The following CADM2 variants were observed in gnomAD, a reference collection of about 807,000 sequenced individuals.
The protein encoded by CADM2 is immunoglobulin superfamily member 4D.
CADM2 carries 12 observed loss-of-function variants against 49.8 expected under a neutral mutation model. That is an observed-to-expected ratio of 0.24 (90% CI 0.15 to 0.39). The LOEUF is 0.39. Ranked by LOEUF, CADM2 falls within the 10% of genes least tolerant of loss-of-function variation. The pLI, the probability that CADM2 is intolerant of heterozygous loss-of-function variation, is 1.00. For synonymous variants in CADM2, 214 were observed against 175.4 expected, an observed-to-expected ratio of 1.22 and a Z score of -1.74; for missense variants, 378 against 492.3, an observed-to-expected ratio of 0.77 and a Z score of 2.20.
In CADM2 at chr3:84,980,931, A is replaced by G. The variant is rs539046551; in HGVS notation, c.61+21263A>G. Reference sequence around the variant, plus strand: ...AGATCCTCAGAATCTTGGATGCACCACACTCAGTGGTATTTTGTAAAATAT... The same window carrying G: ...AGATCCTCAGAATCTTGGATGCACCGCACTCAGTGGTATTTTGTAAAATAT... On this transcript the variant is annotated intron_variant, in intron 1 of 9. Coordinates refer to ENST00000383699, the MANE Select transcript of CADM2 (RefSeq NM_001167675.2). Among the ~76,000 whole-genome samples the G allele has an allele frequency of 9.8e-5, 15 of 152,300 alleles. No homozygotes were observed. The East Asian group carries it at 2.7e-3, about 27-fold the overall frequency.
At chr3:84,989,047 G>A (rs1480407439) in intron 1 of CADM2, among the ~76,000 whole-genome samples, 1 of 152,168 alleles carries the variant, frequency 6.6e-6, no homozygotes, top group African/African-American at 2.4e-5. Context: ...ATTCATGGCT[G>A]ATCTGGAATT....
chr3:85,679,115 T>C (rs1278723520), intron 1 of CADM2, among the ~76,000 whole-genome samples: 2 of 152,008 alleles, frequency 1.3e-5, no homozygotes, highest in African/African-American at 4.8e-5. Context: ...AAATTAAATA[T>C]ATAGTATTAA....
intron 1 of CADM2, among the ~76,000 whole-genome samples, chr3:85,105,323 A>C (rs2038172963): frequency 6.6e-6 from 1 of 152,326 alleles, no homozygotes; most frequent in South Asian, 2.1e-4. Flanking sequence ...GACATTTGTG[A>C]ATCCAAAAAA....
chr3:85,421,613 C>G (rs960392573), intron 1 of CADM2, among the ~76,000 whole-genome samples: 1 of 152,178 alleles, frequency 6.6e-6, no homozygotes, highest in African/African-American at 2.4e-5. Flanking sequence ...GGTCCTGAAT[C>G]TTTTCCTTTT....
At chr3:85,697,793 T>G (rs1475478430) in intron 1 of CADM2, among the ~76,000 whole-genome samples, 2 of 152,194 alleles carry the variant, frequency 1.3e-5, no homozygotes, top group Non-Finnish European at 1.5e-5. Context: ...TATAACAGAT[T>G]TATGTACATG....
intron 8 of CADM2, among the ~76,000 whole-genome samples, chr3:86,039,627 T>G (rs1735600094): frequency 1.3e-5 from 2 of 152,316 alleles, no homozygotes; most frequent in African/African-American, 4.8e-5. Flanking sequence ...CAAGGAGGCC[T>G]GCTGGCTTCT....
chr3:85,913,061 G>A (rs1035006571), intron 6 of CADM2, among the ~76,000 whole-genome samples: 1 of 152,048 alleles, frequency 6.6e-6, no homozygotes, highest in Admixed American at 6.6e-5. Context: ...AATTAATTTT[G>A]TGAATCTAAT....
intron 1 of CADM2, among the ~76,000 whole-genome samples, chr3:85,216,588 A>G (rs1003884971): frequency 1.3e-5 from 2 of 151,912 alleles, no homozygotes; most frequent in African/African-American, 4.8e-5. Context: ...CTGACAGAAA[A>G]CTATTAAATA....
chr3:85,062,088 GCACA>G (rs750878271), intron 1 of CADM2, among the ~76,000 whole-genome samples: 1 of 145,300 alleles, frequency 6.9e-6, no homozygotes, highest in Admixed American at 6.9e-5. Flanking sequence ...ACACACACAC[GCACA>G]CACACACACA....
At chr3:85,147,533 AT>A (rs1413074026) in intron 1 of CADM2, among the ~76,000 whole-genome samples, 4 of 152,138 alleles carry the variant, frequency 2.6e-5, no homozygotes, top group African/African-American at 9.7e-5. Context: ...AATTAATAAC[AT>A]TAATAATGTA....
At chr3:85,788,319 A>G (rs1577313944) in intron 2 of CADM2, among the ~76,000 whole-genome samples, 1 of 152,164 alleles carries the variant, frequency 6.6e-6, no homozygotes, top group Non-Finnish European at 1.5e-5. Flanking sequence ...CTATTAAGTG[A>G]CATATGCATA....
intron 1 of CADM2, among the ~76,000 whole-genome samples, chr3:85,344,172 G>A (rs570911969): frequency 6.6e-6 from 1 of 151,600 alleles, no homozygotes; most frequent in Non-Finnish European, 1.5e-5. Context: ...TCAGGAGATC[G>A]AGACCATCTT....
At chr3:85,970,538 T>C (rs1233289243) in intron 8 of CADM2, among the ~76,000 whole-genome samples, 1 of 151,502 alleles carries the variant, frequency 6.6e-6, no homozygotes, top group East Asian at 1.9e-4. Flanking sequence ...AAATTATAGG[T>C]TAGCAAGGTT....
intron 7 of CADM2, among the ~76,000 whole-genome samples, chr3:85,948,129 AT>A (rs1722964659): frequency 6.6e-6 from 1 of 151,530 alleles, no homozygotes; most frequent in African/African-American, 2.4e-5. Flanking sequence ...ACATTTAAGC[AT>A]TTTACTCTTT....
chr3:85,514,308 A>G (rs887818055), intron 1 of CADM2, among the ~76,000 whole-genome samples: 2 of 152,076 alleles, frequency 1.3e-5, no homozygotes, highest in African/African-American at 4.8e-5. Context: ...ACGTTTTGTA[A>G]TATGCCTCAA....
intron 2 of CADM2, among the ~76,000 whole-genome samples, chr3:85,767,314 C>T (rs73845648): frequency 0.026 from 3,983 of 152,162 alleles, 199 homozygotes; most frequent in African/African-American, 0.091. Flanking sequence ...AATAAGCCGG[C>T]GGCTGCTTCG....
chr3:85,473,708 C>A (rs535441708), intron 1 of CADM2, among the ~76,000 whole-genome samples: 1 of 152,108 alleles, frequency 6.6e-6, no homozygotes, highest in Admixed American at 6.6e-5. Context: ...TAGTGAAGAA[C>A]TTTGTGTTAT....
At chr3:85,552,366 GTTTTTTTTTTT>G (rs36014885) in intron 1 of CADM2, among the ~76,000 whole-genome samples, 20 of 87,576 alleles carry the variant, frequency 2.3e-4, no homozygotes, top group Middle Eastern at 8.3e-3. Flanking sequence ...ACTTTGAAAA[GTTTTTTTTTTT>G]TTTTTTTTTT....
Position 85,431,860 on chromosome 3 carries a change from C to CATATATATATATATATATATATATATAT in CADM2, c.62-294650_62-294649insATATATATATATATATATATATATATAT, listed in dbSNP as rs1553722697. On this transcript the variant is annotated intron_variant, in intron 1 of 9. Coordinates refer to ENST00000383699, the MANE Select transcript of CADM2 (RefSeq NM_001167675.2). ...AACACCATGGTCTTATGCTTAATTG[C>CATATATATATATATATATATATATATAT]ATATATATATATGCCATGCTCTTTC... Among the ~76,000 whole-genome samples, 216 of 51,830 alleles carry CATATATATATATATATATATATATATAT rather than the reference C, an allele frequency of 4.2e-3. 40 individuals carry two copies. Among genetic ancestry groups the CATATATATATATATATATATATATATAT allele is most frequent in the East Asian group, 0.01 (18 of 1,772 alleles). 34.0% of individuals were successfully genotyped at this position (51,830 alleles called of 152,430 possible).
Sources: allele counts gnomAD v4.1 joint callset (sites outside exome capture counted in the v4.1 genomes callset), GRCh38; gene constraint gnomAD v4.1.1; transcripts MANE v1.5; gene names NCBI Gene and HGNC (gene_info 2026-07-23, HGNC 2026-07-21).